The following KCNN2 variants were observed in gnomAD, a reference collection of about 807,000 sequenced individuals.
The protein encoded by KCNN2 is small conductance calcium-activated potassium channel protein 2.
A neutral mutation model predicts 55.5 loss-of-function variants in KCNN2; 24 were observed. That is an observed-to-expected ratio of 0.43 (90% CI 0.31 to 0.61). The LOEUF (loss-of-function observed/expected upper bound fraction) is 0.61. Among genes scored for constraint, KCNN2 ranks in the 20% least tolerant of loss-of-function variants. The pLI is 0.08. For synonymous variants in KCNN2, 431 were observed against 336.1 expected (o/e 1.28, Z -3.09); for missense variants, 754 against 853.6 (o/e 0.88, Z 1.45).
chr5:114,093,309 G>C (rs74976430), intron 1 of KCNN2, among the ~76,000 whole-genome samples: 1 of 152,104 alleles, frequency 6.6e-6, no homozygotes. Context: ...GGACTTCATT[G>C]TCCATCTCAC....
chr5:114,371,094 G>A (rs945319113), intron 2 of KCNN2, among the ~76,000 whole-genome samples: 2 of 152,212 alleles, frequency 1.3e-5, no homozygotes, highest in Non-Finnish European at 2.9e-5. Context: ...GTAAGGGCAA[G>A]GGCCAATACA....
intron 2 of KCNN2, among the ~76,000 whole-genome samples, chr5:114,244,750 G>T (rs1380194357): frequency 6.6e-6 from 1 of 152,126 alleles, no homozygotes; most frequent in African/African-American, 2.4e-5. Context: ...CAGCTTCCTG[G>T]CTTGGTGTTT....
At chr5:114,179,518 G>A (rs146082799) in intron 1 of KCNN2, among the ~76,000 whole-genome samples, 1 of 152,334 alleles carries the variant, frequency 6.6e-6, no homozygotes, top group African/African-American at 2.4e-5. Flanking sequence ...ACAAGCCTAA[G>A]GTCACTGAGC....
At chr5:114,279,996 C>T (rs1167339116) in intron 2 of KCNN2, among the ~76,000 whole-genome samples, 1 of 152,188 alleles carries the variant, frequency 6.6e-6, no homozygotes, top group East Asian at 1.9e-4. Flanking sequence ...ACCATTCTAA[C>T]TGGTGTAAGA....
chr5:114,429,890 C>G (rs571702670), intron 3 of KCNN2, among the ~76,000 whole-genome samples: 5 of 132,628 alleles, frequency 3.8e-5, no homozygotes, highest in South Asian at 2.4e-4. Flanking sequence ...AAAAGATTGT[C>G]CTTTCCCTCT....
chr5:114,118,310 T>A (rs1463509615), intron 1 of KCNN2, among the ~76,000 whole-genome samples: 1 of 151,964 alleles, frequency 6.6e-6, no homozygotes, highest in Non-Finnish European at 1.5e-5. Flanking sequence ...ATACACACAC[T>A]CTCTCACTCA....
intron 1 of KCNN2, among the ~76,000 whole-genome samples, chr5:114,200,873 C>T (rs1464107374): frequency 6.6e-6 from 1 of 152,076 alleles, no homozygotes; most frequent in African/African-American, 2.4e-5. Flanking sequence ...ACTTCGATGT[C>T]AAGTGAGCCA....
intron 3 of KCNN2, among the ~76,000 whole-genome samples, chr5:114,405,761 A>G (rs1580797713): frequency 1.3e-5 from 2 of 151,584 alleles, no homozygotes; most frequent in Non-Finnish European, 2.9e-5. Flanking sequence ...CCCAGGCTAG[A>G]ATGCAGTGGC....
intron 1 of KCNN2, among the ~76,000 whole-genome samples, chr5:114,118,243 G>A (rs1005919674): frequency 1.3e-5 from 2 of 151,966 alleles, no homozygotes; most frequent in Admixed American, 6.6e-5. Context: ...TTTTCACCCC[G>A]TTCCCTAAAA....
At chr5:114,068,041 A>G (rs1259745353) in intron 1 of KCNN2, among the ~76,000 whole-genome samples, 2 of 152,214 alleles carry the variant, frequency 1.3e-5, no homozygotes, top group East Asian at 3.8e-4. Flanking sequence ...TATGTTCCCA[A>G]TAAGGGAATA....
chr5:114,343,286 G>A (rs1757050410), intron 2 of KCNN2, among the ~76,000 whole-genome samples: 1 of 152,112 alleles, frequency 6.6e-6, no homozygotes, highest in Non-Finnish European at 1.5e-5. Context: ...GTTAAATTAT[G>A]GAAAGATGGG....
chr5:114,477,661 ATCTTTTGGAAAT>A (rs1163586113), intron 5 of KCNN2, among the ~76,000 whole-genome samples: 1 of 152,206 alleles, frequency 6.6e-6, no homozygotes, highest in Non-Finnish European at 1.5e-5. Context: ...ACCATGCAAT[ATCTTTTGGAAAT>A]ATATTATTAT....
At chr5:114,448,036 A>G (rs1760491423) in intron 3 of KCNN2, among the ~76,000 whole-genome samples, 1 of 152,318 alleles carries the variant, frequency 6.6e-6, no homozygotes, top group Admixed American at 6.5e-5. Context: ...TGGCTTTTTA[A>G]GTAATTAGTA....
rs112968174 is a variant in KCNN2 at position 114,149,754 on chromosome 5, A to G, written c.-270-71726A>G. Reference sequence around the variant, plus strand: ...TTCCATAACCTATGATTAGCAAGATATTAATCAGTAGTAATAGTTGCAGCA... The same window carrying G: ...TTCCATAACCTATGATTAGCAAGATGTTAATCAGTAGTAATAGTTGCAGCA... On this transcript the variant is annotated intron_variant, in intron 1 of 10. Transcript: ENST00000512097. 7.6e-3 allele frequency among the ~76,000 whole-genome samples: 1,155 copies of G among 152,326 alleles called. 16 individuals carry two copies. Among genetic ancestry groups the G allele is most frequent in the African/African-American group, 0.026 (1,088 of 41,572 alleles).
At position 114,277,168 on chromosome 5, in the gene KCNN2, A is replaced by T. The variant is rs192086342; in HGVS notation, c.-185+55603A>T. ...ATGAGATTGTTGAATATTTGCCCCC[A>T]ATCTCTTCTGGCTTGTAGGGTTTCT... On this transcript the variant is annotated intron_variant, in intron 2 of 10. Coordinates refer to the KCNN2 transcript ENST00000512097. Among the ~76,000 whole-genome samples, 117 of 152,254 alleles carry T rather than the reference A, an allele frequency of 7.7e-4. 3 individuals are homozygous for T. Among genetic ancestry groups the T allele is most frequent in the African/African-American group, 2.6e-3 (108 of 41,550 alleles).
intron 1 of KCNN2, among the ~76,000 whole-genome samples, chr5:114,079,364 C>T (rs1351410480): frequency 6.6e-6 from 1 of 152,092 alleles, no homozygotes; most frequent in Non-Finnish European, 1.5e-5. Context: ...AAATAGACAT[C>T]AGTTATTCTA....
intron 2 of KCNN2, among the ~76,000 whole-genome samples, chr5:114,237,113 T>A (rs898954895): frequency 1.3e-5 from 2 of 152,108 alleles, no homozygotes; most frequent in Admixed American, 1.3e-4. Context: ...GAATGGAATA[T>A]CTGGATCACA....
intron 1 of KCNN2, among the ~76,000 whole-genome samples, chr5:114,206,746 G>A (rs1442376107): frequency 7.0e-6 from 1 of 142,482 alleles, no homozygotes; most frequent in African/African-American, 2.6e-5. Context: ...TTATGCCTGT[G>A]GAATACCCTG....
chr5:114,447,573 G>A (rs984126559), intron 3 of KCNN2, among the ~76,000 whole-genome samples: 3 of 152,146 alleles, frequency 2.0e-5, no homozygotes, highest in Non-Finnish European at 2.9e-5. Flanking sequence ...TCTGATCCTC[G>A]ATGGCCTTTG....
Sources: gnomAD v4.1 joint callset for allele counts (sites outside exome capture counted in the v4.1 genomes callset) on GRCh38, gnomAD v4.1.1 for gene constraint, MANE v1.5 for transcripts, NCBI Gene and HGNC (gene_info 2026-07-23, HGNC 2026-07-21) for gene names.